CNTNAP2: variants seen among roughly 807,000 people sequenced by gnomAD.
CNTNAP2 encodes the protein contactin-associated protein-like 2.
In CNTNAP2, 98 loss-of-function variants were observed where a neutral mutation model predicts 155.2. That is an observed-to-expected ratio of 0.63 (90% CI 0.54 to 0.75). The LOEUF (loss-of-function observed/expected upper bound fraction) is 0.75, where lower values mean the gene tolerates loss of function less well. Among genes scored for constraint, CNTNAP2 ranks in the 30% least tolerant of loss-of-function variants. The pLI is 0.00. For synonymous variants in CNTNAP2, 651 were observed against 631.2 expected (o/e 1.03, Z -0.47); for missense variants, 1,727 against 1,688.1 (o/e 1.02, Z -0.40).
chr7:148,010,836 T>G (rs531873183), intron 15 of CNTNAP2, among the ~76,000 whole-genome samples: 2 of 152,048 alleles, frequency 1.3e-5, no homozygotes, highest in Non-Finnish European at 2.9e-5. Flanking sequence ...GGGCTCTATA[T>G]TTTTTTCCTT....
intron 1 of CNTNAP2, among the ~76,000 whole-genome samples, chr7:146,399,923 AATT>A (rs779424858): frequency 6.6e-6 from 1 of 152,184 alleles, no homozygotes; most frequent in Non-Finnish European, 1.5e-5. Flanking sequence ...ATGATCCCAC[AATT>A]ATTATACTAA....
At position 148,217,544 on chromosome 7, in the gene CNTNAP2, G is replaced by C. The variant is rs780536367; in HGVS notation, c.3247+20G>C. 6.2e-7 allele frequency: 1 copy of C among 1,608,732 alleles called. No homozygotes were observed. Among genetic ancestry groups the C allele is most frequent in the African/African-American group, 1.3e-5 (1 of 74,780 alleles). On this transcript the variant is annotated intron_variant, in intron 19 of 23. Coordinates refer to ENST00000361727, the MANE Select transcript of CNTNAP2 (RefSeq NM_014141.6). The stretch of plus-strand genomic sequence containing the variant: ...CCACTGGTAAGGACAAGGATACCCA[G>C]CCTCTGCCATTTAACATTTGGGCAG...
At chr7:147,331,498 A>C (rs1336148722) in intron 9 of CNTNAP2, among the ~76,000 whole-genome samples, 3 of 152,106 alleles carry the variant, frequency 2.0e-5, no homozygotes, top group African/African-American at 4.8e-5. Flanking sequence ...CCGTGGCAAC[A>C]ATAGTCAAAA....
intron 22 of CNTNAP2, among the ~76,000 whole-genome samples, chr7:148,395,984 C>T (rs915304390): frequency 2.0e-5 from 3 of 152,154 alleles, no homozygotes; most frequent in Admixed American, 1.3e-4. Flanking sequence ...GACTCTGTCC[C>T]GTTCTTCTCC....
intron 14 of CNTNAP2, among the ~76,000 whole-genome samples, chr7:147,976,968 C>A (rs900946632): frequency 4.0e-5 from 6 of 151,888 alleles, no homozygotes; most frequent in Non-Finnish European, 8.8e-5. Context: ...TGCTTTGTGC[C>A]TCCCACCCAT....
chr7:146,690,539 A>G (rs1800680812), intron 1 of CNTNAP2, among the ~76,000 whole-genome samples: 1 of 152,164 alleles, frequency 6.6e-6, no homozygotes, highest in African/African-American at 2.4e-5. Context: ...AGATTTAAAT[A>G]AATGTTTTGT....
intron 1 of CNTNAP2, among the ~76,000 whole-genome samples, chr7:146,322,440 C>T (rs555738579): frequency 2.6e-5 from 4 of 152,136 alleles, no homozygotes; most frequent in South Asian, 2.1e-4. Context: ...TCACTGGAAA[C>T]GTAGCAGTTA....
intron 13 of CNTNAP2, among the ~76,000 whole-genome samples, chr7:147,870,190 G>A (rs1799303651): frequency 6.6e-6 from 1 of 152,138 alleles, no homozygotes; most frequent in African/African-American, 2.4e-5. Context: ...TGAAAATTTG[G>A]TGAGGAAGTT....
At chr7:147,686,291 C>A (rs1796017075) in intron 13 of CNTNAP2, among the ~76,000 whole-genome samples, 1 of 151,756 alleles carries the variant, frequency 6.6e-6, no homozygotes, top group African/African-American at 2.4e-5. Flanking sequence ...TTGATTTGAG[C>A]AAGGAAGAAG....
At chr7:147,703,827 T>A (rs1796271232) in intron 13 of CNTNAP2, among the ~76,000 whole-genome samples, 1 of 152,184 alleles carries the variant, frequency 6.6e-6, no homozygotes. Flanking sequence ...ATGTTTGCAC[T>A]CTTTACCCAA....
intron 1 of CNTNAP2, among the ~76,000 whole-genome samples, chr7:146,404,139 A>AAAAAAAAAAAAAAAAAAC (rs58435059): frequency 6.8e-6 from 1 of 147,344 alleles, no homozygotes; most frequent in African/African-American, 2.5e-5. Context: ...AAAAAAAAAA[A>AAAAAAAAAAAAAAAAAAC]AAACAAAGAA....
At position 146,715,187 on chromosome 7, in the gene CNTNAP2, C is replaced by T. The variant is rs565992959; in HGVS notation, c.98-59084C>T. Among the ~76,000 whole-genome samples the T allele has an allele frequency of 7.2e-5, 11 of 152,178 alleles. No homozygotes were observed. The East Asian group carries it at 9.7e-4, about 13-fold the overall frequency. On this transcript the variant is annotated intron_variant, in intron 1 of 23. Transcript: ENST00000361727. ...CTCTACTAAAAATACAAAAATTACC[C>T]GGTTGTGGTGGTGGGCACCTATAAT...
At chr7:146,804,259 T>C (rs1802929793) in intron 2 of CNTNAP2, among the ~76,000 whole-genome samples, 1 of 152,212 alleles carries the variant, frequency 6.6e-6, no homozygotes, top group Non-Finnish European at 1.5e-5. Context: ...TGATATTACC[T>C]TTAGATGCTA....
chr7:147,338,772 T>C (rs895522413), intron 9 of CNTNAP2, among the ~76,000 whole-genome samples: 14 of 152,072 alleles, frequency 9.2e-5, no homozygotes, highest in Non-Finnish European at 2.1e-4. Flanking sequence ...AAACTAAATA[T>C]TCTGCCAACA....
At chr7:148,361,380 A>G (rs1798616770) in intron 21 of CNTNAP2, among the ~76,000 whole-genome samples, 1 of 152,092 alleles carries the variant, frequency 6.6e-6, no homozygotes, top group African/African-American at 2.4e-5. Context: ...ATAACAAAGT[A>G]CCACAAACTG....
At chr7:147,158,424 A>G (rs1457724828) in intron 8 of CNTNAP2, among the ~76,000 whole-genome samples, 1 of 152,098 alleles carries the variant, frequency 6.6e-6, no homozygotes, top group African/African-American at 2.4e-5. Flanking sequence ...CAGTGACTTT[A>G]TTCTGCACCA....
At chr7:146,918,068 A>T (rs1796429762) in intron 3 of CNTNAP2, among the ~76,000 whole-genome samples, 1 of 152,150 alleles carries the variant, frequency 6.6e-6, no homozygotes, top group Non-Finnish European at 1.5e-5. Context: ...AAGTTTATGC[A>T]AGTCCACATG....
At chr7:147,328,031 C>T (rs942998319) in intron 9 of CNTNAP2, among the ~76,000 whole-genome samples, 4 of 151,866 alleles carry the variant, frequency 2.6e-5, no homozygotes, top group African/African-American at 9.7e-5. Flanking sequence ...CAAACAAAAT[C>T]TAGAGACAAA....
At chr7:147,242,050 T>G (rs1338195705) in intron 8 of CNTNAP2, among the ~76,000 whole-genome samples, 1 of 152,242 alleles carries the variant, frequency 6.6e-6, no homozygotes, top group Non-Finnish European at 1.5e-5. Context: ...CTCTTGGATT[T>G]GAATTTCCTT....
Sources: gnomAD v4.1 joint callset for allele counts (sites outside exome capture counted in the v4.1 genomes callset) on GRCh38, gnomAD v4.1.1 for gene constraint, MANE v1.5 for transcripts, NCBI Gene and HGNC (gene_info 2026-07-23, HGNC 2026-07-21) for gene names.